Variants in DGKE observed in about 807,000 individuals in gnomAD.
The protein encoded by DGKE is diacylglycerol kinase epsilon.
In DGKE, 53 loss-of-function variants were observed where a neutral mutation model predicts 70.0. That is an observed-to-expected ratio of 0.76 (90% CI 0.61 to 0.95). DGKE has a LOEUF of 0.95. DGKE is among the 40% of genes least tolerant of loss of function. The probability of loss-of-function intolerance (pLI) is 0.00; values close to 1 mark genes in which losing one functional copy is unlikely to be tolerated. For missense variants in DGKE, 655 were observed against 706.9 expected (o/e 0.93, Z 0.83); for synonymous variants, 291 against 257.0 (o/e 1.13, Z -1.27).
At chr17:56,859,989 AAG>A (rs1843832543) in intron 9 of DGKE, among the ~76,000 whole-genome samples, 1 of 152,236 alleles carries the variant, frequency 6.6e-6, no homozygotes, top group Non-Finnish European at 1.5e-5. Context: ...TTCTGTTAAA[AAG>A]AGTGTTATGT....
chr17:56,852,343 G>GCCT (rs1011255413), intron 7 of DGKE, among the ~76,000 whole-genome samples: 2 of 151,428 alleles, frequency 1.3e-5, no homozygotes, highest in Admixed American at 6.6e-5. Flanking sequence ...AACCCGAGAG[G>GCCT]CAGAGGGTGC....
At position 56,862,640 on chromosome 17, in the gene DGKE, T is replaced by C; in HGVS notation, c.1553T>C (p.Met518Thr). The change falls in exon 12 of 12, where the codon ATG becomes ACG. Residue 518 changes from methionine (M) to threonine (T), a missense_variant. Transcript: ENST00000284061. ...RLILKCSMMP[M>T]QVDGEPWAQG... ...ATTTTGAAGTGCTCCATGATGCCAA[T>C]GCAGGTGGATGGGGAGCCTTGGGCC... The C allele has an allele frequency of 6.3e-7, 1 of 1,576,264 alleles. No homozygotes were observed. The highest frequency in any genetic ancestry group is 2.3e-5 in the East Asian group (1 of 44,368).
chr17:56,839,245 G>C lies in DGKE; in HGVS notation c.464+3986G>C, dbSNP rs573118811. 2.8e-4 allele frequency among the ~76,000 whole-genome samples: 42 copies of C among 152,198 alleles called. No homozygotes were observed. The South Asian group carries it at 8.1e-3, about 29-fold the overall frequency. On this transcript the variant is annotated intron_variant, in intron 2 of 11. Coordinates refer to ENST00000284061, the MANE Select transcript of DGKE (RefSeq NM_003647.3). ...ATGTCATTAAGAATCAGCGTGAAGG[G>C]TGGGCTTAGGGTATTCATTTTGCTA...
intron 3 of DGKE, among the ~76,000 whole-genome samples, chr17:56,844,539 G>A (rs902074636): frequency 6.6e-6 from 1 of 152,272 alleles, no homozygotes; most frequent in Non-Finnish European, 1.5e-5. Context: ...AGTAGGTATA[G>A]GGTAAGTCCA....
At chr17:56,850,056 T>G (rs779932252) in intron 7 of DGKE, among the ~76,000 whole-genome samples, 3 of 152,002 alleles carry the variant, frequency 2.0e-5, no homozygotes, top group Non-Finnish European at 4.4e-5. Context: ...GTTTAAATGC[T>G]GAGAATGCAT....
Position 56,856,644 on chromosome 17 carries a change from C to T in DGKE, c.1212+19C>T. The T allele has an allele frequency of 4.4e-6, 7 of 1,604,464 alleles. No homozygotes were observed. The highest frequency in any genetic ancestry group is 6.0e-6 in the Non-Finnish European group (7 of 1,175,388). On this transcript the variant is annotated intron_variant, in intron 8 of 11. Coordinates refer to ENST00000284061, the MANE Select transcript of DGKE (RefSeq NM_003647.3). ...TAATAAGGTGTGTTGGATAAAATAA[C>T]ATTTCCTGCTTATCACCGAAGGTAC...
chr17:56,834,518 C>T (rs1007925275), intron 1 of DGKE, among the ~76,000 whole-genome samples: 2 of 152,202 alleles, frequency 1.3e-5, no homozygotes, highest in Non-Finnish European at 2.9e-5. Flanking sequence ...GAGGCGGCGG[C>T]GGCAGCAGCA....
At chr17:56,846,997 ATTAT>A (rs1208797196) in intron 4 of DGKE, among the ~76,000 whole-genome samples, 1 of 152,206 alleles carries the variant, frequency 6.6e-6, no homozygotes, top group Non-Finnish European at 1.5e-5. Flanking sequence ...TGGAAATAGC[ATTAT>A]TTATCCAGTC....
At chr17:56,845,214 T>C (rs953644631) in intron 3 of DGKE, among the ~76,000 whole-genome samples, 1 of 152,140 alleles carries the variant, frequency 6.6e-6, no homozygotes, top group Non-Finnish European at 1.5e-5. Context: ...TTTTTTAATC[T>C]GAGTACCCCA....
intron 2 of DGKE, among the ~76,000 whole-genome samples, chr17:56,839,600 C>G (rs967684424): frequency 1.3e-5 from 2 of 152,166 alleles, no homozygotes; most frequent in African/African-American, 4.8e-5. Context: ...CTTACTGCAG[C>G]CTTAGCCTCC....
At position 56,834,829 on chromosome 17, in the gene DGKE, C is replaced by G. The variant is rs1392043399; in HGVS notation, c.34C>G (p.Pro12Ala). ...GGAGAGGCGGCCGGCGCCGGGCTCG[C>G]CCTCCGAGGGCCTGTTTGCGGACGG... ...EAERRPAPGS[P>A]SEGLFADGHL... The change falls in exon 2 of 12, where the codon CCC becomes GCC. Residue 12 changes from proline (P) to alanine (A), a missense_variant. By Grantham distance (27) the Pro-to-Ala change is conservative. Coordinates refer to ENST00000284061, the MANE Select transcript of DGKE (RefSeq NM_003647.3). 3 of 1,608,052 alleles carry G rather than the reference C, an allele frequency of 1.9e-6. No individual in the cohort carries two copies. In the African/African-American group the frequency reaches 4.0e-5, roughly 21 times the overall value.
rs888767990 is a variant in DGKE, at chr17:56,867,040, C to T, written c.*4249C>T. On this transcript the variant is annotated 3_prime_UTR_variant, in exon 12 of 12. Coordinates refer to ENST00000284061, the MANE Select transcript of DGKE (RefSeq NM_003647.3). ...TAAAGCAGTGAACTTAGCCTTTGTTCTTTGTGTTTCTAATTTAAGCATATA... is the reference window on the plus strand; with the variant it reads ...TAAAGCAGTGAACTTAGCCTTTGTTTTTTGTGTTTCTAATTTAAGCATATA... The T allele has an allele frequency of 6.6e-6, 1 of 152,004 alleles. No homozygotes were observed. The highest frequency in any genetic ancestry group is 1.5e-5 in the Non-Finnish European group (1 of 68,018). The allele number at this position is 152,004 out of a possible 1,614,324, so 9.4% of individuals were successfully genotyped here. A position where few individuals can be genotyped will look rare whatever the true frequency, so the allele number is the denominator to read the frequency against.
At position 56,864,995 on chromosome 17, in the gene DGKE, T is replaced by C. The variant is rs1045274095; in HGVS notation, c.*2204T>C. The C allele has an allele frequency of 6.6e-6, 1 of 152,212 alleles. No individual in the cohort carries two copies. Among genetic ancestry groups the C allele is most frequent in the Non-Finnish European group, 1.5e-5 (1 of 68,002 alleles). 9.4% of individuals were successfully genotyped at this position (152,212 alleles called of 1,614,324 possible). A position where few individuals can be genotyped will look rare whatever the true frequency, so the allele number is the denominator to read the frequency against. On this transcript the variant is annotated 3_prime_UTR_variant, in exon 12 of 12. Transcript: ENST00000284061. The stretch of plus-strand genomic sequence containing the variant: ...CTGGTCTGTCATGAAGTTTTTCTGC[T>C]GGCTTATTCACTTATTTAGACTTCA...
chr17:56,857,037 G>T (rs997301326), intron 8 of DGKE, among the ~76,000 whole-genome samples: 1 of 152,040 alleles, frequency 6.6e-6, no homozygotes, highest in Non-Finnish European at 1.5e-5. Flanking sequence ...GGCAAAAGTT[G>T]CAGTGAGCCG....
intron 2 of DGKE, chr17:56,836,352 C>G (rs1050679427): frequency 1.3e-5 from 2 of 152,132 alleles, no homozygotes; most frequent in Non-Finnish European, 2.9e-5. Context: ...TTCTAGACAA[C>G]TACAAAGTTT....
intron 4 of DGKE, 29 bp from the exon 5 acceptor site, chr17:56,847,893 A>G (rs778935558): frequency 6.6e-7 from 1 of 1,511,104 alleles, no homozygotes; most frequent in South Asian, 1.3e-5. Flanking sequence ...GTTGGATAAA[A>G]ATAATTTGTC....
intron 2 of DGKE, 116 bp downstream of exon 2, chr17:56,835,375 A>G: frequency 8.8e-7 from 1 of 1,139,344 alleles, no homozygotes; most frequent in Non-Finnish European, 1.2e-6. Flanking sequence ...ATTTTGAGGA[A>G]ACAAGCTAAT....
At chr17:56,848,556 A>G (rs1409220493) in intron 5 of DGKE, 140 bp from the exon 6 acceptor site, 5 of 782,408 alleles carry the variant, frequency 6.4e-6, no homozygotes, top group East Asian at 5.3e-5. Flanking sequence ...TGATTAAGCA[A>G]TTAGCACAAG....
chr17:56,848,318 T>C (rs1907436517), intron 5 of DGKE, among the ~76,000 whole-genome samples: 1 of 151,954 alleles, frequency 6.6e-6, no homozygotes, highest in Non-Finnish European at 1.5e-5. Context: ...CTACCATGCC[T>C]GGCTAATTTT....
Sources: allele counts gnomAD v4.1 joint callset (sites outside exome capture counted in the v4.1 genomes callset), GRCh38; gene constraint gnomAD v4.1.1; transcripts MANE v1.5; gene names NCBI Gene and HGNC (gene_info 2026-07-23, HGNC 2026-07-21).